Variants in FNDC3A observed in about 807,000 individuals in gnomAD.
FNDC3A encodes fibronectin type-III domain-containing protein 3A.
A neutral mutation model predicts 148.9 loss-of-function variants in FNDC3A; 32 were observed. That is an observed-to-expected ratio of 0.21 (90% CI 0.16 to 0.29). The LOEUF is 0.29. Among genes scored for constraint, FNDC3A ranks in the 10% least tolerant of loss-of-function variants. FNDC3A has a pLI of 1.00. For missense variants in FNDC3A, 1,191 were observed against 1,452.8 expected (o/e 0.82, Z 2.93); for synonymous variants, 472 against 473.6 (o/e 1.00, Z 0.04).
chr13:49,197,181 A>G (rs138680971), intron 20 of FNDC3A, among the ~76,000 whole-genome samples, 191 bp downstream of exon 20: 2 of 152,342 alleles, frequency 1.3e-5, no homozygotes, highest in Non-Finnish European at 2.9e-5. Flanking sequence ...CATTACAAAT[A>G]TTTAGATTCC....
At chr13:49,087,664 C>G (rs1878903733) in intron 3 of FNDC3A, among the ~76,000 whole-genome samples, 1 of 152,086 alleles carries the variant, frequency 6.6e-6, no homozygotes, top group South Asian at 2.1e-4. Context: ...AGAAGATTTT[C>G]ACTTTAGGCA....
chr13:48,984,456 A>T (rs1172451874), intron 1 of FNDC3A, among the ~76,000 whole-genome samples: 1 of 152,194 alleles, frequency 6.6e-6, no homozygotes, highest in Non-Finnish European at 1.5e-5. Flanking sequence ...AAGAATTTGG[A>T]GTAGGAATAG....
At chr13:48,990,012 A>G (rs1951883176) in intron 1 of FNDC3A, among the ~76,000 whole-genome samples, 2 of 152,230 alleles carry the variant, frequency 1.3e-5, no homozygotes, top group African/African-American at 4.8e-5. Flanking sequence ...CGCCTCCCAA[A>G]GTGCTGGGAT....
chr13:49,049,999 C>T (rs910076525), intron 2 of FNDC3A, among the ~76,000 whole-genome samples: 22 of 152,334 alleles, frequency 1.4e-4, no homozygotes, highest in Non-Finnish European at 3.1e-4. Flanking sequence ...AGATTATAGG[C>T]GTGAGCCACG....
intron 2 of FNDC3A, among the ~76,000 whole-genome samples, 181 bp from the exon 3 acceptor site, chr13:49,075,108 G>A (rs956276226): frequency 6.6e-5 from 10 of 151,900 alleles, no homozygotes; most frequent in African/African-American, 1.9e-4. Flanking sequence ...TTTGGCTTAC[G>A]TCTAACCTCC....
chr13:49,161,018 C>G (rs1884072542), intron 8 of FNDC3A, among the ~76,000 whole-genome samples: 1 of 152,168 alleles, frequency 6.6e-6, no homozygotes, highest in South Asian at 2.1e-4. Flanking sequence ...TTTACATTTG[C>G]TGAGGAGTGC....
chr13:49,087,801 A>C (rs913955386), intron 3 of FNDC3A, among the ~76,000 whole-genome samples: 1 of 152,178 alleles, frequency 6.6e-6, no homozygotes, highest in African/African-American at 2.4e-5. Flanking sequence ...ATAAAATGGT[A>C]ACTTGTTTTT....
rs537291596 is a variant in FNDC3A at position 49,192,257 on chromosome 13, G to T, written c.2226+873G>T. On this transcript the variant is annotated intron_variant, in intron 19 of 25. Transcript: ENST00000492622. ...TATTTCAAATCCTGTTTTCCAACAG[G>T]GTTCTGTATTTACATCTGTAAACTT... 3.3e-5 allele frequency among the ~76,000 whole-genome samples: 5 copies of T among 152,096 alleles called. No individual in the cohort carries two copies. In the East Asian group the frequency reaches 5.8e-4, roughly 18 times the overall value.
chr13:49,209,679 C>T lies in FNDC3A; in HGVS notation c.*2284C>T, dbSNP rs1332836314. The T allele has an allele frequency of 1.3e-5, 2 of 152,420 alleles. No individual in the cohort carries two copies. The highest frequency in any genetic ancestry group is 2.9e-5 in the Non-Finnish European group (2 of 68,020). 9.4% of individuals were successfully genotyped at this position (152,420 alleles called of 1,614,324 possible). ...TTATGGTCTCCCCTCTTCCAATGAG[C>T]TTAAAACATTTTTCCCAACAGTATA... is the stretch of plus-strand genomic sequence containing the variant. On this transcript the variant is annotated 3_prime_UTR_variant, in exon 26 of 26. Coordinates refer to ENST00000492622, the MANE Select transcript of FNDC3A (RefSeq NM_001079673.2).
intron 2 of FNDC3A, among the ~76,000 whole-genome samples, chr13:49,056,111 C>T (rs1185756421): frequency 1.3e-5 from 2 of 151,668 alleles, no homozygotes; most frequent in African/African-American, 4.8e-5. Flanking sequence ...GCTTTGAGCC[C>T]AGGAGGTTGA....
chr13:49,061,280 T>C (rs529970577), intron 2 of FNDC3A, among the ~76,000 whole-genome samples: 7 of 150,082 alleles, frequency 4.7e-5, no homozygotes, highest in African/African-American at 1.5e-4. Context: ...TGGCTTTTTC[T>C]TTTCTTTCCT....
intron 2 of FNDC3A, among the ~76,000 whole-genome samples, chr13:49,052,430 AC>A (rs1386027596): frequency 6.6e-6 from 1 of 151,428 alleles, no homozygotes; most frequent in East Asian, 1.9e-4. Context: ...TGAGAGCTGA[AC>A]TTTTTTTTTT....
chr13:49,162,942 C>A (rs1884243058), intron 8 of FNDC3A, among the ~76,000 whole-genome samples: 1 of 152,208 alleles, frequency 6.6e-6, no homozygotes, highest in South Asian at 2.1e-4. Context: ...CCAGCGGAGG[C>A]TGCAGAACAG....
chr13:49,115,333 T>C (rs139992223), intron 4 of FNDC3A, among the ~76,000 whole-genome samples: 114 of 152,336 alleles, frequency 7.5e-4, no homozygotes, highest in African/African-American at 2.1e-3. Context: ...GTGTTCAATA[T>C]CTTCCACTAC....
intron 7 of FNDC3A, among the ~76,000 whole-genome samples, chr13:49,139,149 T>C (rs912089045): frequency 6.6e-6 from 1 of 151,804 alleles, no homozygotes; most frequent in Non-Finnish European, 1.5e-5. Context: ...ATAGGAGAGG[T>C]TGTTAGGTTA....
intron 5 of FNDC3A, among the ~76,000 whole-genome samples, chr13:49,132,959 A>T (rs987877164): frequency 5.9e-5 from 9 of 152,164 alleles, no homozygotes; most frequent in African/African-American, 2.2e-4. Context: ...TATTTTAATC[A>T]CTATTGTTTC....
At chr13:48,977,035 A>C (rs1228907956) in intron 1 of FNDC3A, 1 of 152,140 alleles carries the variant, frequency 6.6e-6, no homozygotes, top group Non-Finnish European at 1.5e-5. Flanking sequence ...AAGCCTTGGG[A>C]TATTTTAGAG....
intron 1 of FNDC3A, among the ~76,000 whole-genome samples, chr13:48,985,039 A>G (rs893467959): frequency 2.0e-5 from 3 of 152,224 alleles, no homozygotes; most frequent in Admixed American, 6.5e-5. Context: ...TTAAAAGTTA[A>G]TTTAAAAACT....
chr13:49,037,325 G>A (rs1349881865), intron 2 of FNDC3A, among the ~76,000 whole-genome samples: 1 of 152,128 alleles, frequency 6.6e-6, no homozygotes, highest in African/African-American at 2.4e-5. Context: ...TAATTTGAAG[G>A]CCTTTAACCA....
Sources: gnomAD v4.1 joint callset for allele counts (sites outside exome capture counted in the v4.1 genomes callset) on GRCh38, gnomAD v4.1.1 for gene constraint, MANE v1.5 for transcripts, NCBI Gene and HGNC (gene_info 2026-07-23, HGNC 2026-07-21) for gene names.